HCRTR2: variants seen among roughly 807,000 people sequenced by gnomAD.
HCRTR2 encodes orexin receptor type 2.
In HCRTR2, 22 loss-of-function variants were observed where a neutral mutation model predicts 49.0. The ratio of observed to expected loss-of-function variants is 0.45; its 90% CI spans 0.32 to 0.64. HCRTR2 has a LOEUF of 0.64. HCRTR2 is among the 30% of genes least tolerant of loss of function. The pLI, the probability that HCRTR2 is intolerant of heterozygous loss-of-function variation, is 0.04. For synonymous variants in HCRTR2, 236 were observed against 205.3 expected, an observed-to-expected ratio of 1.15 and a Z score of -1.28; for missense variants, 491 against 559.4, an observed-to-expected ratio of 0.88 and a Z score of 1.23.
chr6:55,150,328 A>C (rs1764647684), intron 1 of HCRTR2, among the ~76,000 whole-genome samples: 2 of 151,420 alleles, frequency 1.3e-5, no homozygotes, highest in South Asian at 2.1e-4. Flanking sequence ...TCTTATTATT[A>C]TTATTATTGG....
chr6:55,121,245 G>A (rs1282099384), intron 1 of HCRTR2, among the ~76,000 whole-genome samples: 1 of 152,042 alleles, frequency 6.6e-6, no homozygotes. Flanking sequence ...AATTGTGAAT[G>A]GGAGTTCACT....
intron 1 of HCRTR2, among the ~76,000 whole-genome samples, chr6:55,227,865 T>C (rs1169639561): frequency 6.6e-6 from 1 of 151,804 alleles, no homozygotes; most frequent in Non-Finnish European, 1.5e-5. Flanking sequence ...GTAATGAAGA[T>C]GCTAGTAACA....
intron 1 of HCRTR2, among the ~76,000 whole-genome samples, chr6:55,143,790 T>A (rs768900132): frequency 2.0e-5 from 3 of 152,134 alleles, no homozygotes; most frequent in Non-Finnish European, 4.4e-5. Context: ...CAGGATCACT[T>A]ATGTACTGTG....
At chr6:55,145,175 T>G (rs1305611674) in intron 1 of HCRTR2, among the ~76,000 whole-genome samples, 1 of 152,212 alleles carries the variant, frequency 6.6e-6, no homozygotes, top group Non-Finnish European at 1.5e-5. Context: ...CTTCATATTC[T>G]GATATGTCAA....
At chr6:55,157,329 T>C (rs1348532373) in intron 1 of HCRTR2, among the ~76,000 whole-genome samples, 1 of 152,190 alleles carries the variant, frequency 6.6e-6, no homozygotes, top group Non-Finnish European at 1.5e-5. Flanking sequence ...ATGTACAAGT[T>C]TTATGTACTG....
chr6:55,187,125 G>A (rs1765229657), intron 1 of HCRTR2, among the ~76,000 whole-genome samples: 1 of 151,666 alleles, frequency 6.6e-6, no homozygotes. Flanking sequence ...AAGACATTGG[G>A]GCCAGGTCTG....
At chr6:55,245,005 G>A (rs1766404349) in intron 1 of HCRTR2, among the ~76,000 whole-genome samples, 2 of 151,808 alleles carry the variant, frequency 1.3e-5, no homozygotes, top group Non-Finnish European at 1.5e-5. Flanking sequence ...TTTCTATTAT[G>A]TTCTATTGAT....
chr6:55,152,140 G>A (rs1764671967), intron 1 of HCRTR2, among the ~76,000 whole-genome samples: 1 of 151,882 alleles, frequency 6.6e-6, no homozygotes, highest in African/African-American at 2.4e-5. Flanking sequence ...ATTATTTGAG[G>A]AATCTTCATA....
intron 2 of HCRTR2, among the ~76,000 whole-genome samples, chr6:55,249,962 T>G (rs1266549739): frequency 6.6e-6 from 1 of 151,950 alleles, no homozygotes; most frequent in African/African-American, 2.4e-5. Context: ...TAACAAAAAA[T>G]TAGGGAGGGG....
At chr6:55,215,300 A>G (rs1267947146) in intron 1 of HCRTR2, among the ~76,000 whole-genome samples, 1 of 152,224 alleles carries the variant, frequency 6.6e-6, no homozygotes, top group Non-Finnish European at 1.5e-5. Flanking sequence ...GCTGAAAAAA[A>G]GTCTGCCAAC....
chr6:55,172,187 A>G (rs528388486), upstream of HCRTR2, among the ~76,000 whole-genome samples: 30 of 152,314 alleles, frequency 2.0e-4, no homozygotes, highest in East Asian at 5.4e-3. Context: ...TAAACTTCAA[A>G]TTAACAGAAT....
intron 1 of HCRTR2, among the ~76,000 whole-genome samples, chr6:55,245,994 G>A (rs1178271133): frequency 6.6e-6 from 1 of 151,996 alleles, no homozygotes; most frequent in Non-Finnish European, 1.5e-5. Flanking sequence ...GGATCCTTAT[G>A]AGATGATGGC....
chr6:55,156,914 ACCACAGCTAACAT>A (rs1764739248), intron 1 of HCRTR2, among the ~76,000 whole-genome samples: 1 of 152,162 alleles, frequency 6.6e-6, no homozygotes, highest in South Asian at 2.1e-4. Flanking sequence ...CTACAACGAA[ACCACAGCTAACAT>A]CATATTTAAT....
upstream of HCRTR2, among the ~76,000 whole-genome samples, chr6:55,172,938 G>A (rs1264737946): frequency 1.3e-5 from 2 of 152,082 alleles, no homozygotes; most frequent in Non-Finnish European, 2.9e-5. Context: ...TGTACTTTTT[G>A]CACTGGCAAG....
intron 1 of HCRTR2, among the ~76,000 whole-genome samples, chr6:55,124,275 C>G (rs1764243357): frequency 6.6e-6 from 1 of 152,282 alleles, no homozygotes; most frequent in Non-Finnish European, 1.5e-5. Flanking sequence ...TCCCTCTACA[C>G]ACTGCTTTAA....
At chr6:55,155,740 CA>C (rs1419599362) in intron 1 of HCRTR2, among the ~76,000 whole-genome samples, 3 of 151,788 alleles carry the variant, frequency 2.0e-5, no homozygotes, top group East Asian at 3.9e-4. Flanking sequence ...TTCAAGGTGA[CA>C]AAAAAATCAG....
At chr6:55,174,929 C>G in intron 1 of HCRTR2, 119 bp downstream of exon 1, 1 of 725,738 alleles carries the variant, frequency 1.4e-6, no homozygotes, top group Non-Finnish European at 2.4e-6. Flanking sequence ...TCGCTGCTCT[C>G]GGATGGGGTT....
At chr6:55,280,261 C>G (rs1767163014) in intron 5 of HCRTR2, 62 bp from the exon 6 acceptor site, 9 of 1,109,498 alleles carry the variant, frequency 8.1e-6, no homozygotes, top group East Asian at 2.4e-5. Flanking sequence ...CTACCAATAG[C>G]CTTGTTCACC....
At chr6:55,189,116 T>C (rs1179112322) in intron 1 of HCRTR2, among the ~76,000 whole-genome samples, 8 of 152,238 alleles carry the variant, frequency 5.3e-5, no homozygotes, top group Admixed American at 5.2e-4. Flanking sequence ...ATTGTTTTTG[T>C]GGCCTTCTTT....
Sources: gnomAD v4.1 joint callset for allele counts (sites outside exome capture counted in the v4.1 genomes callset) on GRCh38, gnomAD v4.1.1 for gene constraint, MANE v1.5 for transcripts, NCBI Gene and HGNC (gene_info 2026-07-23, HGNC 2026-07-21) for gene names.